The following GMDS variants were observed in gnomAD, a reference collection of about 807,000 sequenced individuals.
The protein encoded by GMDS is GDP-mannose 4,6-dehydratase, also known as GDP-mannose 4,6 dehydratase.
In GMDS, 20 loss-of-function variants were observed where a neutral mutation model predicts 49.9. The observed-to-expected ratio is 0.40, with a 90% confidence interval of 0.28 to 0.58. GMDS has a LOEUF of 0.58. Ranked by LOEUF, GMDS falls within the 20% of genes least tolerant of loss-of-function variation. The probability of loss-of-function intolerance (pLI) is 0.42; values close to 1 mark genes in which losing one functional copy is unlikely to be tolerated. For synonymous variants in GMDS, 177 were observed against 178.6 expected (o/e 0.99, Z 0.07); for missense variants, 362 against 481.4 (o/e 0.75, Z 2.32).
At position 1,839,206 on chromosome 6, in the gene GMDS, C is replaced by T. The variant is rs149519889; in HGVS notation, c.771+90897G>A. Among the ~76,000 whole-genome samples, 613 of 152,180 alleles carry T rather than the reference C, an allele frequency of 4.0e-3. 3 individuals carry two copies. The highest frequency in any genetic ancestry group is 5.8e-3 in the Admixed American group (89 of 15,280). ...GTTTTAGTGATTTGCTCCGCAACAGCCAGAGGGCATTTATTTTTAAACAAG... is the reference window on the plus strand; with the variant it reads ...GTTTTAGTGATTTGCTCCGCAACAGTCAGAGGGCATTTATTTTTAAACAAG... On this transcript the variant is annotated intron_variant, in intron 7 of 10. Coordinates refer to ENST00000380815, the MANE Select transcript of GMDS (RefSeq NM_001500.4).
intron 7 of GMDS, among the ~76,000 whole-genome samples, chr6:1,868,486 G>A (rs1477029998): frequency 6.6e-6 from 1 of 152,142 alleles, no homozygotes; most frequent in African/African-American, 2.4e-5. Flanking sequence ...TCACAAGACT[G>A]CCTCACATTC....
intron 4 of GMDS, among the ~76,000 whole-genome samples, chr6:2,049,845 A>C (rs1770272171): frequency 1.3e-5 from 2 of 152,278 alleles, no homozygotes; most frequent in Non-Finnish European, 2.9e-5. Flanking sequence ...ACAAAGACAC[A>C]ATGTACCAGA....
intron 7 of GMDS, among the ~76,000 whole-genome samples, chr6:1,827,076 A>ATGTGTGTG (rs1174158101): frequency 9.0e-6 from 1 of 111,116 alleles, no homozygotes; most frequent in Non-Finnish European, 1.9e-5. Context: ...AAAAAAATAT[A>ATGTGTGTG]TATGTGTGTG....
At chr6:1,811,757 T>TA (rs1269346987) in intron 7 of GMDS, among the ~76,000 whole-genome samples, 2 of 152,224 alleles carry the variant, frequency 1.3e-5, no homozygotes, top group African/African-American at 4.8e-5. Context: ...GACAGTGATG[T>TA]ACTGGTTTTC....
chr6:1,782,412 T>C (rs1440697788), intron 7 of GMDS, among the ~76,000 whole-genome samples: 1 of 152,244 alleles, frequency 6.6e-6, no homozygotes, highest in East Asian at 1.9e-4. Context: ...ATTTTTATTA[T>C]CTCATCAGAG....
chr6:1,991,536 C>G (rs1765939818), intron 4 of GMDS, among the ~76,000 whole-genome samples: 1 of 152,192 alleles, frequency 6.6e-6, no homozygotes, highest in Admixed American at 6.5e-5. Context: ...GTCCAATACC[C>G]TTTCTAGGAC....
At chr6:1,878,667 T>C (rs114229117) in intron 7 of GMDS, among the ~76,000 whole-genome samples, 2,307 of 152,328 alleles carry the variant, frequency 0.015, 20 homozygotes, top group South Asian at 0.03. Context: ...ACAGCAATTA[T>C]TTAATACCTA....
intron 3 of GMDS, among the ~76,000 whole-genome samples, chr6:2,116,294 A>C (rs942276438): frequency 1.3e-5 from 2 of 152,200 alleles, no homozygotes; most frequent in African/African-American, 4.8e-5. Context: ...TCTTTTCTTT[A>C]GATACTTTTA....
At chr6:1,650,968 G>T (rs1003209692) in intron 9 of GMDS, among the ~76,000 whole-genome samples, 1 of 152,224 alleles carries the variant, frequency 6.6e-6, no homozygotes, top group African/African-American at 2.4e-5. Context: ...ATGAGTAGAT[G>T]AATGAAACAG....
At chr6:1,629,244 G>T (rs1449854347) in intron 9 of GMDS, among the ~76,000 whole-genome samples, 3 of 152,172 alleles carry the variant, frequency 2.0e-5, no homozygotes, top group Non-Finnish European at 4.4e-5. Context: ...TCCCAAAGAG[G>T]GAGCGAATGT....
intron 4 of GMDS, among the ~76,000 whole-genome samples, chr6:1,984,537 C>T (rs1427088131): frequency 1.3e-5 from 2 of 152,164 alleles, no homozygotes; most frequent in African/African-American, 2.4e-5. Context: ...ACTACAGCTG[C>T]TCCTAGTGAC....
At chr6:1,976,570 A>T (rs1764914674) in intron 4 of GMDS, among the ~76,000 whole-genome samples, 1 of 152,216 alleles carries the variant, frequency 6.6e-6, no homozygotes, top group African/African-American at 2.4e-5. Context: ...TTAAGCTTCT[A>T]ATGGAGAATA....
intron 9 of GMDS, among the ~76,000 whole-genome samples, chr6:1,691,317 C>G (rs1444890155): frequency 6.6e-6 from 1 of 151,732 alleles, no homozygotes; most frequent in African/African-American, 2.4e-5. Flanking sequence ...AATGAGAACA[C>G]ATGGACACGG....
At chr6:1,770,843 A>T (rs1768551484) in intron 7 of GMDS, among the ~76,000 whole-genome samples, 1 of 152,244 alleles carries the variant, frequency 6.6e-6, no homozygotes, top group Admixed American at 6.5e-5. Context: ...AAGGTATTTT[A>T]AAATGATGAT....
chr6:1,867,095 A>G (rs1472403242), intron 7 of GMDS, among the ~76,000 whole-genome samples: 2 of 152,240 alleles, frequency 1.3e-5, no homozygotes, highest in Non-Finnish European at 1.5e-5. Flanking sequence ...TAATTTACAG[A>G]GACTCATTGT....
chr6:2,242,466 G>C (rs1488812420), intron 1 of GMDS, among the ~76,000 whole-genome samples: 1 of 152,214 alleles, frequency 6.6e-6, no homozygotes, highest in Non-Finnish European at 1.5e-5. Context: ...ATACGTACTA[G>C]AGATACACAG....
intron 1 of GMDS, among the ~76,000 whole-genome samples, chr6:2,200,470 A>G (rs991757506): frequency 6.6e-6 from 1 of 150,614 alleles, no homozygotes; most frequent in Non-Finnish European, 1.5e-5. Context: ...AGAGAGGTGA[A>G]GGATGAAGAG....
rs568469039 is a variant in GMDS at position 1,754,691 on chromosome 6, G to A, written c.772-12105C>T. On this transcript the variant is annotated intron_variant, in intron 7 of 10. Coordinates refer to ENST00000380815, the MANE Select transcript of GMDS (RefSeq NM_001500.4). Reference sequence around the variant, plus strand: ...AAAGCTTATCCACCACGATCAAGTCGGCTTCATCCCTGGGATGCAAGGCTG... The same window carrying A: ...AAAGCTTATCCACCACGATCAAGTCAGCTTCATCCCTGGGATGCAAGGCTG... 3.7e-4 allele frequency among the ~76,000 whole-genome samples: 57 copies of A among 152,132 alleles called. 1 individual carries two copies. The highest frequency in any genetic ancestry group is 3.4e-3 in the Middle Eastern group (1 of 294).
chr6:1,996,170 T>C (rs1766268889), intron 4 of GMDS, among the ~76,000 whole-genome samples: 1 of 151,648 alleles, frequency 6.6e-6, no homozygotes. Context: ...CTCCTTCCTC[T>C]TTCTCATTCT....
Sources: allele counts gnomAD v4.1 joint callset (sites outside exome capture counted in the v4.1 genomes callset), GRCh38; gene constraint gnomAD v4.1.1; transcripts MANE v1.5; gene names NCBI Gene and HGNC (gene_info 2026-07-23, HGNC 2026-07-21).